ZBTB8OS: variants seen among roughly 807,000 people sequenced by gnomAD.
ZBTB8OS encodes the protein tRNA splicing ligase complex subunit 1, also known as tRNA-splicing ligase-activating factor archease.
ZBTB8OS carries 16 observed loss-of-function variants against 29.3 expected under a neutral mutation model. The observed-to-expected ratio is 0.55, with a 90% CI of 0.37 to 0.83. ZBTB8OS has a LOEUF of 0.83. Among genes scored for constraint, ZBTB8OS ranks in the 40% least tolerant of loss-of-function variants. ZBTB8OS has a pLI of 0.00. For synonymous variants in ZBTB8OS, 70 were observed against 64.6 expected (o/e 1.08, Z -0.40); for missense variants, 160 against 196.9 (o/e 0.81, Z 1.12).
chr1:32,635,417 G>A (rs565454642), intron 1 of ZBTB8OS, among the ~76,000 whole-genome samples: 24 of 151,964 alleles, frequency 1.6e-4, no homozygotes, highest in South Asian at 4.2e-4. Flanking sequence ...GATTACAGGC[G>A]CACACCACCA....
intron 1 of ZBTB8OS, among the ~76,000 whole-genome samples, chr1:32,639,352 A>G (rs551922402): frequency 1.8e-4 from 27 of 152,036 alleles, no homozygotes; most frequent in African/African-American, 6.5e-4. Flanking sequence ...CCCAGGCTGG[A>G]GTGCAGTGGC....
intron 1 of ZBTB8OS, among the ~76,000 whole-genome samples, chr1:32,641,277 T>G (rs1165937029): frequency 1.4e-5 from 2 of 146,028 alleles, no homozygotes; most frequent in African/African-American, 5.0e-5. Context: ...TTTTTTTTTT[T>G]TTTTTTTTTT....
rs1216355334 is a variant in ZBTB8OS at position 32,623,727 on chromosome 1, T to C, written c.418-1779A>G. ...GCTCCAGCTTGCTGTTCCCTGAACT[T>C]ACCTCATTTCAGGGCCTTTACACCT... On this transcript the variant is annotated intron_variant, in intron 6 of 6. Coordinates refer to ENST00000468695, the MANE Select transcript of ZBTB8OS (RefSeq NM_178547.5). 3.9e-5 allele frequency among the ~76,000 whole-genome samples: 6 copies of C among 152,238 alleles called. No homozygotes were observed. The East Asian group carries it at 9.6e-4, about 24-fold the overall frequency.
At chr1:32,637,696 G>C (rs1026862096) in intron 1 of ZBTB8OS, among the ~76,000 whole-genome samples, 11 of 152,194 alleles carry the variant, frequency 7.2e-5, no homozygotes, top group Non-Finnish European at 1.5e-4. Flanking sequence ...GACTGGAAAA[G>C]AGCAAAAGGG....
In ZBTB8OS at chr1:32,620,971, C is replaced by G. The variant is rs1274450439; in HGVS notation, c.*891G>C. On this transcript the variant is annotated 3_prime_UTR_variant, in exon 7 of 7. Transcript: ENST00000468695. Reference sequence around the variant, plus strand: ...AAATATCATTAGTGCTTTTAAAAAACTGAAAGCGTGAGAGAAAAATCAGGG... The same window carrying G: ...AAATATCATTAGTGCTTTTAAAAAAGTGAAAGCGTGAGAGAAAAATCAGGG... 1 of 152,122 alleles carries G rather than the reference C, an allele frequency of 6.6e-6. No homozygotes were observed. The highest frequency in any genetic ancestry group is 1.5e-5 in the Non-Finnish European group (1 of 68,010). 9.4% of individuals were successfully genotyped at this position (152,122 alleles called of 1,614,324 possible).
At chr1:32,649,667 CATTT>C (rs1557835318) in intron 1 of ZBTB8OS, among the ~76,000 whole-genome samples, 6 of 128,020 alleles carry the variant, frequency 4.7e-5, no homozygotes, top group Non-Finnish European at 9.7e-5. Context: ...CACACACACA[CATTT>C]TTTTTTTTTT....
intron 4 of ZBTB8OS, 48 bp downstream of exon 4, chr1:32,633,597 T>A: frequency 3.0e-6 from 4 of 1,321,178 alleles, no homozygotes; most frequent in Non-Finnish European, 4.3e-6. Context: ...TTTTAAAATA[T>A]GAACTAAGAA....
chr1:32,636,713 G>T (rs57113554), intron 1 of ZBTB8OS, among the ~76,000 whole-genome samples: 1 of 150,804 alleles, frequency 6.6e-6, no homozygotes, highest in Non-Finnish European at 1.5e-5. Flanking sequence ...AAAAAGGTGG[G>T]GGGGAAGAAG....
At chr1:32,633,500 G>A (rs1313592952) in intron 4 of ZBTB8OS, 145 bp downstream of exon 4, 5 of 586,546 alleles carry the variant, frequency 8.5e-6, no homozygotes, top group Non-Finnish European at 1.2e-5. Context: ...AAGTGCCCGT[G>A]GTCATTATAA....
intron 6 of ZBTB8OS, 21 bp from the exon 7 acceptor site, chr1:32,621,969 A>T: frequency 7.7e-7 from 1 of 1,292,732 alleles, no homozygotes; most frequent in Non-Finnish European, 1.0e-6. Context: ...GGTTAGAGAA[A>T]AAAAAAAAAA....
At chr1:32,633,101 T>C (rs1005791837) in intron 4 of ZBTB8OS, among the ~76,000 whole-genome samples, 9 of 152,242 alleles carry the variant, frequency 5.9e-5, no homozygotes, top group Admixed American at 5.2e-4. Context: ...TTTTCCTTTT[T>C]TCATGTTAAG....
chr1:32,647,074 T>A (rs1366698373), intron 1 of ZBTB8OS, among the ~76,000 whole-genome samples: 596 of 22,650 alleles, frequency 0.026, 3 homozygotes, highest in East Asian at 0.066. Context: ...AAAAAAAAAA[T>A]GCCAGGCGTG....
At chr1:32,628,929 T>C (rs1645329736) in intron 5 of ZBTB8OS, among the ~76,000 whole-genome samples, 2 of 151,974 alleles carry the variant, frequency 1.3e-5, no homozygotes, top group African/African-American at 4.8e-5. Flanking sequence ...AGAGTGAGAC[T>C]GTCTAAAAAA....
Position 32,621,998 on chromosome 1 carries a change from G to A in ZBTB8OS, c.418-50C>T, listed in dbSNP as rs542369789. ...AAAAAAAAAAGGAAAATAGGATATTGAAATCATAATCATTAACTCTAGCAA... is the reference window on the plus strand; with the variant it reads ...AAAAAAAAAAGGAAAATAGGATATTAAAATCATAATCATTAACTCTAGCAA... On this transcript the variant is annotated intron_variant, in intron 6 of 6. Transcript: ENST00000468695. 3.3e-5 allele frequency: 43 copies of A among 1,299,094 alleles called. No homozygotes were observed. In the South Asian group the frequency reaches 5.5e-4, roughly 17 times the overall value. 80.5% of individuals were successfully genotyped at this position (1,299,094 alleles called of 1,614,324 possible). A position where few individuals can be genotyped will look rare whatever the true frequency, so the allele number is the denominator to read the frequency against.
At chr1:32,627,718 T>G in intron 5 of ZBTB8OS, 174 bp from the exon 6 acceptor site, 1 of 614,972 alleles carries the variant, frequency 1.6e-6, no homozygotes, top group Non-Finnish European at 2.9e-6. Flanking sequence ...GGGACGTGTG[T>G]GCAGTGTCAT....
At position 32,631,837 on chromosome 1, in the gene ZBTB8OS, G is replaced by T; in HGVS notation, c.370C>A (p.Arg124=). Residue 124 remains arginine, a synonymous_variant, in exon 5 of 7, where the codon CGA becomes AGA. Transcript: ENST00000468695. ...LSIDQRNFKL[R]SIGWGEEFSL... ...ACTTTCAAAACTTACCCAATTGATC[G>T]TAATTTGAAATTTCTTTGATCAATG... 6.3e-7 allele frequency: 1 copy of T among 1,593,244 alleles called. No individual in the cohort carries two copies. Among genetic ancestry groups the T allele is most frequent in the Non-Finnish European group, 8.6e-7 (1 of 1,169,140 alleles).
upstream of ZBTB8OS, chr1:32,650,614 C>CA: frequency 3.1e-6 from 5 of 1,611,118 alleles, no homozygotes; most frequent in Non-Finnish European, 4.2e-6. Flanking sequence ...GACTCCGCCC[C>CA]TTGGCGCACA....
intron 6 of ZBTB8OS, among the ~76,000 whole-genome samples, chr1:32,626,162 C>T (rs1025286093): frequency 2.0e-5 from 3 of 152,112 alleles, no homozygotes; most frequent in African/African-American, 4.8e-5. Flanking sequence ...CGTGAACCAC[C>T]ACGCCGGGCC....
intron 1 of ZBTB8OS, among the ~76,000 whole-genome samples, chr1:32,641,095 C>G: frequency 6.6e-6 from 1 of 151,594 alleles, no homozygotes; most frequent in East Asian, 1.9e-4. Context: ...TCCCTTGAAC[C>G]TAGAAGGTGG....
Sources: gnomAD v4.1 joint callset for allele counts (sites outside exome capture counted in the v4.1 genomes callset) on GRCh38, gnomAD v4.1.1 for gene constraint, MANE v1.5 for transcripts, NCBI Gene and HGNC (gene_info 2026-07-23, HGNC 2026-07-21) for gene names.